Variants in TCFL5 observed in about 807,000 individuals in gnomAD.
TCFL5 encodes the protein transcription factor-like 5 protein.
A neutral mutation model predicts 44.3 loss-of-function variants in TCFL5; 9 were observed. The ratio of observed to expected loss-of-function variants is 0.20; its 90% confidence interval spans 0.12 to 0.35. The LOEUF (loss-of-function observed/expected upper bound fraction) is 0.35. TCFL5 is among the 10% of genes least tolerant of loss of function. The probability of loss-of-function intolerance (pLI) is 1.00; values close to 1 mark genes in which losing one functional copy is unlikely to be tolerated. For missense variants in TCFL5, 603 were observed against 613.4 expected, an observed-to-expected ratio of 0.98 and a Z score of 0.18; for synonymous variants, 319 against 271.6, an observed-to-expected ratio of 1.17 and a Z score of -1.72.
rs1323314509 is a variant in TCFL5, at chr20:62,860,152, A to C, written c.804T>G (p.Ser268Arg). The part of the protein sequence containing the change: ...PLFTTNACST[S>R]GNSNLSQTQS... ...GTGTCTGTGAAAGATTAGAATTTCCACTAGTAGAGCAAGCATTTGTAGTAA... is the reference window on the plus strand; with the variant it reads ...GTGTCTGTGAAAGATTAGAATTTCCCCTAGTAGAGCAAGCATTTGTAGTAA... The change falls in exon 2 of 6, where the codon AGT becomes AGG. Residue 268 changes from serine to arginine, a missense_variant. Physicochemically the swap from Ser to Arg is moderately radical, Grantham distance 110 (BLOSUM62 -1). This residue lies in a region of TCFL5 where 540 missense variants were observed against 478.7 expected (regional missense o/e 1.13). Coordinates refer to ENST00000335351, the MANE Select transcript of TCFL5 (RefSeq NM_006602.4). The C allele has an allele frequency of 6.2e-7, 1 of 1,611,818 alleles. No homozygotes were observed. Among genetic ancestry groups the C allele is most frequent in the Non-Finnish European group, 8.5e-7 (1 of 1,178,052 alleles).
In TCFL5 at chr20:62,842,008, A is replaced by C. The variant is rs1475854280; in HGVS notation, c.1470T>G (p.Ser490Arg). Residue 490 changes from serine to arginine, a missense_variant, in exon 6 of 6, where the codon AGT becomes AGG. Ser to Arg is a moderately radical substitution (Grantham distance 110). Coordinates refer to ENST00000335351, the MANE Select transcript of TCFL5 (RefSeq NM_006602.4). This position sits in a 1 kb window ranked among gnomAD's most constrained non-coding sequence, Gnocchi z 4.3. Reference sequence around the variant, plus strand: ...TCTCCATCGAGGGGCTGCTCTGTAAACTCCCCTGTGCAGGACAGGTCACCA... The same window carrying C: ...TCTCCATCGAGGGGCTGCTCTGTAACCTCCCCTGTGCAGGACAGGTCACCA... ...DSLVTCPAQG[S>R]LQSSPSMEIK 3 of 1,613,588 alleles carry C rather than the reference A, an allele frequency of 1.9e-6. No individual in the cohort carries two copies. The highest frequency in any genetic ancestry group is 2.5e-6 in the Non-Finnish European group (3 of 1,179,928).
At position 62,861,178 on chromosome 20, in the gene TCFL5, C is replaced by T; in HGVS notation, c.493G>A (p.Ala165Thr). 9.8e-7 allele frequency: 1 copy of T among 1,022,904 alleles called. No individual in the cohort carries two copies. 63.4% of individuals were successfully genotyped at this position (1,022,904 alleles called of 1,614,324 possible). ...DGAAKEGAGAAAAAAGPDGAP... is the reference protein window; with the variant it reads ...DGAAKEGAGATAAAAGPDGAP... ...CCGTCGGGTCCAGCCGCAGCCGCAG[C>T]CGCGCCCGCGCCCTCCTTGGCGGCG... Residue 165 changes from alanine (A) to threonine (T), a missense_variant, in exon 1 of 6, where the codon GCT becomes ACT. By Grantham distance (58) the Ala-to-Thr change is moderately conservative. Around this residue, in one of 4 missense-constraint regions of TCFL5, gnomAD observed 540 missense variants for 478.7 expected, o/e 1.13. Transcript: ENST00000335351. This position sits in a 1 kb window ranked among gnomAD's most constrained non-coding sequence, Gnocchi z 4.0.
At chr20:62,850,334 T>C (rs951809658) in intron 5 of TCFL5, among the ~76,000 whole-genome samples, 1 of 151,778 alleles carries the variant, frequency 6.6e-6, no homozygotes, top group Non-Finnish European at 1.5e-5. Flanking sequence ...CCTCACCCCA[T>C]ACTTATCTAT....
chr20:62,853,106 T>C (rs188233715), intron 5 of TCFL5, among the ~76,000 whole-genome samples: 7 of 146,478 alleles, frequency 4.8e-5, no homozygotes, highest in South Asian at 2.1e-4. Flanking sequence ...CACAGAAGCA[T>C]AGTCACCCGG....
chr20:62,845,573 G>T, intron 5 of TCFL5: 2 of 1,508,172 alleles, frequency 1.3e-6, no homozygotes, highest in Non-Finnish European at 1.8e-6. Context: ...TTAAATGAAA[G>T]TCAGAGCCTG....
chr20:62,845,699 C>CT (rs1213191290), intron 5 of TCFL5: 1 of 1,606,822 alleles, frequency 6.2e-7, no homozygotes, highest in East Asian at 2.2e-5. Flanking sequence ...AAATCGAGGA[C>CT]TTCCAATATG....
In TCFL5 at chr20:62,842,190, T is replaced by C; in HGVS notation, c.1381-93A>G. 2 of 1,515,656 alleles carry C rather than the reference T, an allele frequency of 1.3e-6. No individual in the cohort carries two copies. Among genetic ancestry groups the C allele is most frequent in the African/African-American group, 2.8e-5 (2 of 72,572 alleles). 93.9% of individuals were successfully genotyped at this position (1,515,656 alleles called of 1,614,324 possible). On this transcript the variant is annotated intron_variant, in intron 5 of 5. Coordinates refer to ENST00000335351, the MANE Select transcript of TCFL5 (RefSeq NM_006602.4). This position sits in a 1 kb window ranked among gnomAD's most constrained non-coding sequence, Gnocchi z 4.3. ...CAAAAGGTTCAAATTAAGAGCTAAG[T>C]AAATGACTTTAGAATACGCTGTTTT...
intron 5 of TCFL5, among the ~76,000 whole-genome samples, chr20:62,843,434 G>C (rs1372483209): frequency 6.6e-6 from 1 of 152,114 alleles, no homozygotes; most frequent in Non-Finnish European, 1.5e-5. Flanking sequence ...ATTCAGCGGG[G>C]GTGGGAGGGC....
chr20:62,860,331 A>G, intron 1 of TCFL5, 23 bp from the exon 2 acceptor site: 2 of 1,593,316 alleles, frequency 1.3e-6, no homozygotes, highest in Non-Finnish European at 8.6e-7. Flanking sequence ...AAGAAAGCCC[A>G]GAAGTGTCAG....
At chr20:62,860,425 G>A in intron 1 of TCFL5, 117 bp from the exon 2 acceptor site, 1 of 884,330 alleles carries the variant, frequency 1.1e-6, no homozygotes, top group Non-Finnish European at 1.7e-6. Flanking sequence ...TCTCATCCTG[G>A]AAATCTCTAC....
intron 5 of TCFL5, chr20:62,852,480 C>G (rs1247226762): frequency 6.1e-6 from 6 of 985,372 alleles, no homozygotes; most frequent in Non-Finnish European, 7.2e-6. Context: ...GCTGACTGAA[C>G]TCCTGCATTC....
rs1476188940 is a variant in TCFL5, at chr20:62,861,063, CGCGGCGCGG to C, written c.599_607del (p.Pro200_Pro202del). The C allele has an allele frequency of 1.6e-4, 161 of 996,128 alleles. No individual in the cohort carries two copies. The South Asian group carries it at 4.3e-3, about 27-fold the overall frequency. 61.7% of individuals were successfully genotyped at this position (996,128 alleles called of 1,614,324 possible). A position where few individuals can be genotyped will look rare whatever the true frequency, so the allele number is the denominator to read the frequency against. On this transcript the variant is annotated inframe_deletion, in exon 1 of 6. Transcript: ENST00000335351. The surrounding 1 kb of genome is among the most constrained non-coding windows in gnomAD (Gnocchi z 4.0). Reference sequence around the variant, plus strand: ...GCCCGGCTCGGGGGGCTCGGGGCCGCGCGGCGCGGGCGGCGGCTCGGCGGGGATGCTGTT... The same window carrying C: ...GCCCGGCTCGGGGGGCTCGGGGCCGCGCGGCGGCTCGGCGGGGATGCTGTT...
At chr20:62,853,189 G>A (rs142682856) in intron 5 of TCFL5, among the ~76,000 whole-genome samples, 36 of 151,840 alleles carry the variant, frequency 2.4e-4, no homozygotes, top group Non-Finnish European at 4.4e-4. Context: ...CCAGTCCACA[G>A]AAGTATAGTC....
At position 62,842,050 on chromosome 20, in the gene TCFL5, C is replaced by G; in HGVS notation, c.1428G>C (p.Leu476=). ...FCGKTGRRLK[L]TRPDSLVTCP... ...AGGTCACCAAGGAGTCCGGTCTGGT[C>G]AGCTTTAGCCTTCGGCCAGTTTTAC... The change falls in exon 6 of 6, where the codon CTG becomes CTC. Residue 476 remains leucine, a synonymous_variant. Coordinates refer to ENST00000335351, the MANE Select transcript of TCFL5 (RefSeq NM_006602.4). This position sits in a 1 kb window ranked among gnomAD's most constrained non-coding sequence, Gnocchi z 4.3. The G allele has an allele frequency of 6.2e-7, 1 of 1,614,224 alleles. No homozygotes were observed. Among genetic ancestry groups the G allele is most frequent in the Non-Finnish European group, 8.5e-7 (1 of 1,180,044 alleles).
Position 62,861,370 on chromosome 20 carries a change from C to T in TCFL5, c.301G>A (p.Gly101Ser), listed in dbSNP as rs2064004160. The T allele has an allele frequency of 9.4e-7, 1 of 1,067,634 alleles. No individual in the cohort carries two copies. The highest frequency in any genetic ancestry group is 1.1e-6 in the Non-Finnish European group (1 of 886,740). The allele number at this position is 1,067,634 out of a possible 1,614,324, so 66.1% of individuals were successfully genotyped here. The change falls in exon 1 of 6, where the codon GGC becomes AGC. Residue 101 changes from glycine to serine, a missense_variant. Gly to Ser is a moderately conservative substitution (Grantham distance 56). Around this residue, in one of 4 missense-constraint regions of TCFL5, gnomAD observed 540 missense variants for 478.7 expected, o/e 1.13. Coordinates refer to ENST00000335351, the MANE Select transcript of TCFL5 (RefSeq NM_006602.4). This position sits in a 1 kb window ranked among gnomAD's most constrained non-coding sequence, Gnocchi z 4.0. Reference protein sequence around the residue: ...AGGFAAGGQGGAAPVYPVLCP... With the variant: ...AGGFAAGGQGSAAPVYPVLCP... ...AGCACGGGGTACACGGGCGCCGCGC[C>T]CCCCTGACCGCCCGCCGCGAAGCCG...
chr20:62,842,011 C>T lies in TCFL5; in HGVS notation c.1467G>A (p.Gly489=), dbSNP rs1190073771. The T allele has an allele frequency of 2.5e-6, 4 of 1,614,210 alleles. No homozygotes were observed. The highest frequency in any genetic ancestry group is 1.7e-5 in the Admixed American group (1 of 60,030). Residue 489 remains glycine, a synonymous_variant, in exon 6 of 6, where the codon GGG becomes GGA. Coordinates refer to ENST00000335351, the MANE Select transcript of TCFL5 (RefSeq NM_006602.4). The surrounding 1 kb of genome is among the most constrained non-coding windows in gnomAD (Gnocchi z 4.3). The stretch of plus-strand genomic sequence containing the variant: ...CCATCGAGGGGCTGCTCTGTAAACT[C>T]CCCTGTGCAGGACAGGTCACCAAGG... ...PDSLVTCPAQ[G]SLQSSPSMEI...
intron 4 of TCFL5, among the ~76,000 whole-genome samples, chr20:62,856,656 A>G (rs1178578315): frequency 1.4e-5 from 2 of 147,818 alleles, no homozygotes; most frequent in African/African-American, 5.0e-5. Context: ...CAGTGAGCAG[A>G]GATCGCGCCA....
At chr20:62,846,282 C>T (rs1358584698) in intron 5 of TCFL5, among the ~76,000 whole-genome samples, 1 of 152,236 alleles carries the variant, frequency 6.6e-6, no homozygotes, top group Non-Finnish European at 1.5e-5. Flanking sequence ...CGTCTGCCTT[C>T]ACTATGAACA....
chr20:62,842,359 T>C lies in TCFL5; in HGVS notation c.1381-262A>G, dbSNP rs929852754. Among the ~76,000 whole-genome samples, 1 of 152,226 alleles carries C rather than the reference T, an allele frequency of 6.6e-6. No individual in the cohort carries two copies. The highest frequency in any genetic ancestry group is 1.5e-5 in the Non-Finnish European group (1 of 68,036). On this transcript the variant is annotated intron_variant, in intron 5 of 5. Transcript: ENST00000335351. This position sits in a 1 kb window ranked among gnomAD's most constrained non-coding sequence, Gnocchi z 4.3. ...ACTCAGAATGTCTGGCCACACTGTA[T>C]TGATTTTATTGTGGTAAAATATACA...
Sources: allele counts gnomAD v4.1 joint callset (sites outside exome capture counted in the v4.1 genomes callset), GRCh38; gene constraint gnomAD v4.1.1; regional missense constraint gnomAD v4.1.1; non-coding constraint Gnocchi (gnomAD v3.1); transcripts MANE v1.5; gene names NCBI Gene and HGNC (gene_info 2026-07-23, HGNC 2026-07-21).